PRSS23: variants seen among roughly 807,000 people sequenced by gnomAD.
PRSS23 encodes protease, serine 23.
A neutral mutation model predicts 34.7 loss-of-function variants in PRSS23; 25 were observed. The observed-to-expected ratio is 0.72, with a 90% CI of 0.53 to 1.01. The LOEUF (loss-of-function observed/expected upper bound fraction) is 1.01. Ranked by LOEUF, PRSS23 falls within the 50% of genes least tolerant of loss-of-function variation. The pLI is 0.00. For missense variants in PRSS23, 445 were observed against 475.6 expected, an observed-to-expected ratio of 0.94 and a Z score of 0.60; for synonymous variants, 176 against 186.6, an observed-to-expected ratio of 0.94 and a Z score of 0.46.
At position 86,844,748 on chromosome 11, in the gene PRSS23, G is replaced by T. The variant is rs192338256; in HGVS notation, c.206+21155G>T. Among the ~76,000 whole-genome samples the T allele has an allele frequency of 3.3e-3, 505 of 152,286 alleles. 2 individuals are homozygous for T. The highest frequency in any genetic ancestry group is 5.8e-3 in the Non-Finnish European group (392 of 68,022). On this transcript the variant is annotated intron_variant, in intron 2 of 2. Transcript: ENST00000533902. Reference sequence around the variant, plus strand: ...AACAAGTGTTGTTTTATCATCTCTAGTTCTATGGCATGTTGCTGGAAGGGA... The same window carrying T: ...AACAAGTGTTGTTTTATCATCTCTATTTCTATGGCATGTTGCTGGAAGGGA...
At chr11:86,919,139 T>A (rs1245287348) in intron 2 of PRSS23, among the ~76,000 whole-genome samples, 2 of 152,268 alleles carry the variant, frequency 1.3e-5, no homozygotes, top group East Asian at 3.9e-4. Flanking sequence ...TAGCTTCCCA[T>A]CCCCAAGCAG....
At chr11:86,823,756 C>G (rs1422894144) in intron 2 of PRSS23, among the ~76,000 whole-genome samples, 1 of 152,076 alleles carries the variant, frequency 6.6e-6, no homozygotes, top group East Asian at 1.9e-4. Flanking sequence ...CCTGTAATCC[C>G]AGCATTTTGG....
intron 2 of PRSS23, among the ~76,000 whole-genome samples, chr11:86,874,876 C>G (rs1423565727): frequency 1.3e-5 from 2 of 152,168 alleles, no homozygotes; most frequent in Non-Finnish European, 2.9e-5. Flanking sequence ...ACTGGTATGT[C>G]TGGTGCCTAG....
At chr11:86,921,592 C>CTG (rs1949047593) in intron 2 of PRSS23, 2 of 152,336 alleles carry the variant, frequency 1.3e-5, no homozygotes, top group African/African-American at 4.8e-5. Flanking sequence ...TTTCTAGTGA[C>CTG]TGTTTCTCCT....
intron 2 of PRSS23, among the ~76,000 whole-genome samples, chr11:86,929,400 T>C (rs1253262392): frequency 6.6e-6 from 1 of 151,718 alleles, no homozygotes; most frequent in East Asian, 1.9e-4. Context: ...CCTAGTACTT[T>C]GGGAAGCCGA....
rs1296102273 is a variant in PRSS23 at position 86,951,933 on chromosome 11, C to T, written c.*648C>T. 2 of 1,613,898 alleles carry T rather than the reference C, an allele frequency of 1.2e-6. No individual in the cohort carries two copies. Among genetic ancestry groups the T allele is most frequent in the Admixed American group, 1.7e-5 (1 of 60,018 alleles). On this transcript the variant is annotated 3_prime_UTR_variant, in exon 3 of 3. Transcript: ENST00000533902. ...TCACAGGATATCCTTTCCCGGCCTACAGTCAGCCTGACAATATAAGCAATG... is the reference window on the plus strand; with the variant it reads ...TCACAGGATATCCTTTCCCGGCCTATAGTCAGCCTGACAATATAAGCAATG...
At chr11:86,823,234 G>C (rs1948266930) in intron 1 of PRSS23, 1 of 613,262 alleles carries the variant, frequency 1.6e-6, no homozygotes. Flanking sequence ...TTCCTAATCT[G>C]TAAAAGCATC....
chr11:86,928,285 C>A (rs1041063513), intron 2 of PRSS23, among the ~76,000 whole-genome samples: 4 of 147,696 alleles, frequency 2.7e-5, no homozygotes, highest in Non-Finnish European at 3.0e-5. Context: ...ATACATATTA[C>A]ATTAACATAA....
intron 2 of PRSS23, chr11:86,945,940 G>A (rs1590939960): frequency 6.5e-6 from 1 of 152,718 alleles, no homozygotes. Context: ...GGGGTGGCAT[G>A]AGGACCCAAG....
At chr11:86,870,224 A>G (rs1357336295) in intron 2 of PRSS23, among the ~76,000 whole-genome samples, 1 of 149,884 alleles carries the variant, frequency 6.7e-6, no homozygotes, top group East Asian at 2.0e-4. Flanking sequence ...CCTTGGCGCT[A>G]CAGAGATGGT....
rs1384757196 is a variant in PRSS23 at position 86,819,359 on chromosome 11, A to C, written c.-11-4018A>C. 2.6e-5 allele frequency among the ~76,000 whole-genome samples: 4 copies of C among 152,328 alleles called. No homozygotes were observed. The East Asian group carries it at 7.7e-4, about 29-fold the overall frequency. On this transcript the variant is annotated intron_variant, in intron 1 of 2. Transcript: ENST00000533902. ...TATTAATTCAAAACTTTTTTCAATA[A>C]GAAAAAAGCCAATTATTGGCTCCAT...
intron 2 of PRSS23, among the ~76,000 whole-genome samples, chr11:86,827,341 C>G (rs1160170561): frequency 6.6e-6 from 1 of 152,112 alleles, no homozygotes; most frequent in Non-Finnish European, 1.5e-5. Flanking sequence ...GTGGTGATAT[C>G]TCCTTTATCA....
chr11:86,918,597 A>G (rs1949028682), intron 2 of PRSS23, among the ~76,000 whole-genome samples: 1 of 152,214 alleles, frequency 6.6e-6, no homozygotes, highest in African/African-American at 2.4e-5. Flanking sequence ...TTTACAAAAT[A>G]TTATTGTCTG....
At chr11:86,952,902 A>G (rs1400841475) in exon 3 of PRSS23, 2 of 154,360 alleles carry the variant, frequency 1.3e-5, no homozygotes, top group Admixed American at 6.3e-5. Flanking sequence ...AATAAAAGTT[A>G]AAAAAAAATG....
chr11:86,800,038 T>A (rs1264730736), upstream of PRSS23, among the ~76,000 whole-genome samples: 1 of 152,066 alleles, frequency 6.6e-6, no homozygotes, highest in African/African-American at 2.4e-5. Context: ...CTGAACCAAT[T>A]CTTCAAATTT....
intron 1 of PRSS23, among the ~76,000 whole-genome samples, chr11:86,816,643 C>T (rs1461617183): frequency 6.6e-6 from 1 of 152,198 alleles, no homozygotes; most frequent in Non-Finnish European, 1.5e-5. Flanking sequence ...GTGGATAAGG[C>T]ATTCTGGGAC....
chr11:86,817,359 T>C (rs1052642698), intron 1 of PRSS23, among the ~76,000 whole-genome samples: 1 of 152,248 alleles, frequency 6.6e-6, no homozygotes. Context: ...TTTTAAACTC[T>C]TTAGATAGCT....
At chr11:86,884,740 C>A (rs1013847616) in intron 2 of PRSS23, among the ~76,000 whole-genome samples, 1 of 152,186 alleles carries the variant, frequency 6.6e-6, no homozygotes, top group African/African-American at 2.4e-5. Flanking sequence ...TCCCACCATT[C>A]CCCTACACTA....
At chr11:86,918,675 G>A (rs1356680803) in intron 2 of PRSS23, among the ~76,000 whole-genome samples, 1 of 152,224 alleles carries the variant, frequency 6.6e-6, no homozygotes, top group Non-Finnish European at 1.5e-5. Flanking sequence ...CTTTACAGCT[G>A]TAAACCCAGG....
Sources: gnomAD v4.1 joint callset for allele counts (sites outside exome capture counted in the v4.1 genomes callset) on GRCh38, gnomAD v4.1.1 for gene constraint, MANE v1.5 for transcripts, NCBI Gene and HGNC (gene_info 2026-07-23, HGNC 2026-07-21) for gene names.